DISC1: variants seen among roughly 807,000 people sequenced by gnomAD.
The protein encoded by DISC1 is DISC1 scaffold protein, also known as disrupted in schizophrenia 1 protein.
Under a neutral mutation model 84.5 loss-of-function variants are expected in DISC1, and 57 were observed. The observed-to-expected ratio is 0.67, with a 90% CI of 0.55 to 0.84. DISC1 has a LOEUF of 0.84. DISC1 is among the 40% of genes least tolerant of loss of function. The pLI is 0.00. For missense variants in DISC1, 1,000 were observed against 1,057.8 expected, an observed-to-expected ratio of 0.95 and a Z score of 0.76; for synonymous variants, 411 against 415.2, an observed-to-expected ratio of 0.99 and a Z score of 0.12.
intron 9 of DISC1, among the ~76,000 whole-genome samples, chr1:231,829,864 G>GA (rs2082109232): frequency 6.7e-6 from 1 of 148,344 alleles, no homozygotes; most frequent in African/African-American, 2.5e-5. Flanking sequence ...TGGCGGGCAG[G>GA]AGTGGGGGGG....
chr1:231,911,455 G>T (rs2089197523), intron 9 of DISC1, among the ~76,000 whole-genome samples: 1 of 152,198 alleles, frequency 6.6e-6, no homozygotes, highest in African/African-American at 2.4e-5. Flanking sequence ...GGCTGGATAT[G>T]AAATTCTGGG....
In DISC1 at chr1:231,650,995, C is replaced by CA. The variant is rs552814813; in HGVS notation, c.67+24063dup. Among the ~76,000 whole-genome samples, 30 of 152,254 alleles carry CA rather than the reference C, an allele frequency of 2.0e-4. No homozygotes were observed. The South Asian group carries it at 3.5e-3, about 18-fold the overall frequency. On this transcript the variant is annotated intron_variant, in intron 1 of 12. Transcript: ENST00000439617. ...TTTTTCAAGGGTTTTAGCTTCCTAG[C>CA]AATGGGTTCAAATGTCCTCCTTTAG...
intron 9 of DISC1, among the ~76,000 whole-genome samples, chr1:231,861,723 C>T (rs964510549): frequency 1.3e-4 from 20 of 152,078 alleles, no homozygotes; most frequent in South Asian, 1.2e-3. Flanking sequence ...GTTGCTGTCA[C>T]GTGATAGTTT....
At chr1:231,788,009 G>T (rs974061287) in intron 6 of DISC1, among the ~76,000 whole-genome samples, 8 of 152,210 alleles carry the variant, frequency 5.3e-5, no homozygotes, top group African/African-American at 1.4e-4. Context: ...TCAGCCGGGC[G>T]CAGTGGCTCA....
At chr1:231,638,137 T>A (rs1572372712) in intron 1 of DISC1, among the ~76,000 whole-genome samples, 1 of 152,352 alleles carries the variant, frequency 6.6e-6, no homozygotes, top group East Asian at 1.9e-4. Context: ...ATGTCTTCTT[T>A]TGAAAAATGT....
chr1:231,897,674 G>A lies in DISC1; in HGVS notation c.1982-61154G>A, dbSNP rs555619234. ...CCCATCTGATTTTGAGCTGGTCACCGTGTGCTGTTGTAGTAACAGGGCCTC... is the reference window on the plus strand; with the variant it reads ...CCCATCTGATTTTGAGCTGGTCACCATGTGCTGTTGTAGTAACAGGGCCTC... On this transcript the variant is annotated intron_variant, in intron 9 of 12. Transcript: ENST00000439617. This position sits in a 1 kb window ranked among gnomAD's most constrained non-coding sequence, Gnocchi z 4.5. Among the ~76,000 whole-genome samples, 13 of 152,274 alleles carry A rather than the reference G, an allele frequency of 8.5e-5. No individual in the cohort carries two copies. The highest frequency in any genetic ancestry group is 6.2e-4 in the South Asian group (3 of 4,818).
At chr1:231,713,761 G>T (rs551227082) in intron 3 of DISC1, among the ~76,000 whole-genome samples, 1 of 130,934 alleles carries the variant, frequency 7.6e-6, no homozygotes, top group African/African-American at 3.1e-5. Context: ...TATATATATA[G>T]GAGATATATA....
chr1:231,694,781 G>T lies in DISC1; in HGVS notation c.1023G>T (p.Leu341=). ...RKWEPVLRDC[L]LRNRRQMEVI... ...GGGAGCCAGTGCTGCGGGACTGCCT[G>T]CTGAGAAACCGGAGGCAGATGGAGG... The change falls in exon 2 of 13, where the codon CTG becomes CTT. Residue 341 remains leucine (L), a synonymous_variant. Transcript: ENST00000439617. 1 of 1,613,904 alleles carries T rather than the reference G, an allele frequency of 6.2e-7. No homozygotes were observed. The highest frequency in any genetic ancestry group is 8.5e-7 in the Non-Finnish European group (1 of 1,180,028).
At chr1:231,759,096 G>A (rs1387226308) in intron 4 of DISC1, among the ~76,000 whole-genome samples, 1 of 152,186 alleles carries the variant, frequency 6.6e-6, no homozygotes, top group Admixed American at 6.5e-5. Flanking sequence ...CCACTAGCAT[G>A]CTTCCTTTGA....
intron 1 of DISC1, among the ~76,000 whole-genome samples, chr1:231,662,536 A>T (rs2061645990): frequency 6.6e-6 from 1 of 151,884 alleles, no homozygotes; most frequent in Non-Finnish European, 1.5e-5. Context: ...ACAGTGTGGC[A>T]AAGCAGCTGT....
chr1:231,678,663 C>T (rs2063389157), intron 1 of DISC1, among the ~76,000 whole-genome samples: 1 of 151,958 alleles, frequency 6.6e-6, no homozygotes, highest in African/African-American at 2.4e-5. Context: ...CTCTATCTCT[C>T]TCTCTCTCTC....
intron 3 of DISC1, chr1:231,722,896 G>A (rs1204610197): frequency 7.6e-7 from 1 of 1,320,730 alleles, no homozygotes; most frequent in Non-Finnish European, 9.7e-7. Flanking sequence ...ATTGTTCTGT[G>A]TTGGGACAAT....
At chr1:231,658,962 C>T (rs1223298958) in intron 1 of DISC1, among the ~76,000 whole-genome samples, 4 of 152,008 alleles carry the variant, frequency 2.6e-5, no homozygotes, top group Admixed American at 2.6e-4. Flanking sequence ...GTATCTCTGC[C>T]AGGTTTTGGT....
intron 9 of DISC1, among the ~76,000 whole-genome samples, chr1:231,842,152 A>G (rs1043010050): frequency 5.9e-5 from 9 of 151,920 alleles, no homozygotes; most frequent in Admixed American, 3.9e-4. Flanking sequence ...ATGCACCACC[A>G]TGCCTGGCTA....
chr1:231,891,475 CG>C (rs1362552967), intron 9 of DISC1, among the ~76,000 whole-genome samples: 1 of 152,138 alleles, frequency 6.6e-6, no homozygotes, highest in Non-Finnish European at 1.5e-5. Context: ...AGGAGACAGA[CG>C]GAGCAGGGAA....
chr1:231,945,754 G>T (rs56373612), intron 9 of DISC1, among the ~76,000 whole-genome samples: 1 of 151,968 alleles, frequency 6.6e-6, no homozygotes, highest in African/African-American at 2.4e-5. Flanking sequence ...GAATCAAAGA[G>T]ACGCAATAAA....
intron 9 of DISC1, chr1:231,925,889 A>C (rs2090333203): frequency 6.6e-6 from 1 of 152,280 alleles, no homozygotes; most frequent in Non-Finnish European, 1.5e-5. Flanking sequence ...TCAGAGCCTC[A>C]GAAGGAACCC....
chr1:231,720,741 G>A (rs1351470184), intron 3 of DISC1: 3 of 866,376 alleles, frequency 3.5e-6, no homozygotes, highest in Non-Finnish European at 4.9e-6. Context: ...CTTTCTGCAT[G>A]AGGGCTAAAA....
At chr1:231,811,475 C>T (rs538699467) in intron 8 of DISC1, among the ~76,000 whole-genome samples, 4 of 152,230 alleles carry the variant, frequency 2.6e-5, no homozygotes, top group Non-Finnish European at 5.9e-5. Context: ...ACAAATTATA[C>T]AGCAGTCTAC....
Sources: allele counts gnomAD v4.1 joint callset (sites outside exome capture counted in the v4.1 genomes callset), GRCh38; gene constraint gnomAD v4.1.1; non-coding constraint Gnocchi (gnomAD v3.1); transcripts MANE v1.5; gene names NCBI Gene and HGNC (gene_info 2026-07-23, HGNC 2026-07-21).